Variants in LARGE1 observed in about 807,000 individuals in gnomAD.
The protein encoded by LARGE1 is xylosyl- and glucuronyltransferase LARGE1.
A neutral mutation model predicts 87.6 loss-of-function variants in LARGE1; 43 were observed. That is an observed-to-expected ratio of 0.49 (90% CI 0.38 to 0.63). The LOEUF (loss-of-function observed/expected upper bound fraction) is 0.63. LARGE1 is among the 30% of genes least tolerant of loss of function. The pLI is 0.00. For missense variants in LARGE1, 802 were observed against 1,000.2 expected (o/e 0.80, Z 2.67); for synonymous variants, 434 against 394.6 (o/e 1.10, Z -1.18).
At chr22:33,872,358 TC>T (rs201744381) in intron 1 of LARGE1, among the ~76,000 whole-genome samples, 6 of 113,214 alleles carry the variant, frequency 5.3e-5, no homozygotes, top group African/African-American at 2.3e-4. Context: ...GTAAATGCTA[TC>T]TATTATTATT....
intron 1 of LARGE1, among the ~76,000 whole-genome samples, chr22:33,782,902 G>A (rs372013972): frequency 4.7e-5 from 3 of 63,470 alleles, no homozygotes; most frequent in Non-Finnish European, 3.2e-5. Context: ...AAAAAAAAGA[G>A]AGAGAGAGAG....
chr22:33,722,645 CACGTTATAGT>C (rs1330096964), intron 2 of LARGE1, among the ~76,000 whole-genome samples: 1 of 152,006 alleles, frequency 6.6e-6, no homozygotes, highest in African/African-American at 2.4e-5. Context: ...CAGCAGAAGG[CACGTTATAGT>C]AAGTCACCCA....
downstream of LARGE1, among the ~76,000 whole-genome samples, chr22:33,161,206 A>G (rs1255063605): frequency 6.6e-6 from 1 of 152,148 alleles, no homozygotes; most frequent in Non-Finnish European, 1.5e-5. Context: ...GCATGGGGGT[A>G]ACTGCCTCCA....
At position 33,274,281 on chromosome 22, in the gene LARGE1, A is replaced by G. The variant is rs1928710242; in HGVS notation, c.*146T>C. On this transcript the variant is annotated 3_prime_UTR_variant, in exon 15 of 15. Transcript: ENST00000397394. The stretch of plus-strand genomic sequence containing the variant: ...CTGGATCCTTGTCCAAGGTCTCTGT[A>G]GTGAGGGCAGCTTGGCTGGGCCAAA... 2.5e-6 allele frequency: 2 copies of G among 805,532 alleles called. No homozygotes were observed. The highest frequency in any genetic ancestry group is 2.0e-5 in the Admixed American group (1 of 50,610). 49.9% of individuals were successfully genotyped at this position (805,532 alleles called of 1,614,324 possible).
At chr22:33,075,609 C>T in the LARGE1 span, among the ~76,000 whole-genome samples, 1 of 152,106 alleles carries the variant, frequency 6.6e-6, no homozygotes, top group Admixed American at 6.5e-5. Flanking sequence ...GTGGTAGAAC[C>T]TGAATAATTG....
In LARGE1 at chr22:33,920,181, G is replaced by C. The variant is rs1056664102; in HGVS notation, c.-269C>G. ...TCCAAATGCCGCGGCGAGGGTCCGG[G>C]TCCCCCAAGCTGAGCACTGTCCCTT... is the stretch of plus-strand genomic sequence containing the variant. On this transcript the variant is annotated 5_prime_UTR_variant, in exon 1 of 15. Coordinates refer to ENST00000397394, the MANE Select transcript of LARGE1 (RefSeq NM_133642.5). 1 of 152,444 alleles carries C rather than the reference G, an allele frequency of 6.6e-6. No homozygotes were observed. Among genetic ancestry groups the C allele is most frequent in the Non-Finnish European group, 1.5e-5 (1 of 68,400 alleles). 9.4% of individuals were successfully genotyped at this position (152,444 alleles called of 1,614,324 possible).
At chr22:33,317,894 G>A (rs891907738) in intron 10 of LARGE1, among the ~76,000 whole-genome samples, 1 of 152,152 alleles carries the variant, frequency 6.6e-6, no homozygotes, top group African/African-American at 2.4e-5. Flanking sequence ...GGAGCGATGG[G>A]TACATGGATG....
chr22:33,293,014 T>G (rs563864804), intron 12 of LARGE1, among the ~76,000 whole-genome samples: 169 of 152,322 alleles, frequency 1.1e-3, no homozygotes, highest in African/African-American at 3.6e-3. Flanking sequence ...ACATATAACT[T>G]TGTCCATGCA....
chr22:33,892,091 C>T (rs1308210765), intron 1 of LARGE1, among the ~76,000 whole-genome samples: 1 of 152,200 alleles, frequency 6.6e-6, no homozygotes, highest in Non-Finnish European at 1.5e-5. Flanking sequence ...AACTACAAAG[C>T]TTCTTTCAAA....
chr22:33,762,089 C>T (rs1472700949), intron 1 of LARGE1, among the ~76,000 whole-genome samples: 2 of 151,814 alleles, frequency 1.3e-5, no homozygotes, highest in African/African-American at 4.8e-5. Flanking sequence ...GGTGGCACGC[C>T]TGCAATCCCA....
chr22:33,744,748 A>C (rs900141210), intron 2 of LARGE1, among the ~76,000 whole-genome samples: 8 of 152,322 alleles, frequency 5.3e-5, no homozygotes, highest in Admixed American at 1.3e-4. Context: ...AGGAGGAACT[A>C]CCTACAGCCA....
At chr22:33,720,023 T>C (rs984317968) in intron 2 of LARGE1, among the ~76,000 whole-genome samples, 3 of 151,902 alleles carry the variant, frequency 2.0e-5, no homozygotes, top group South Asian at 2.1e-4. Flanking sequence ...CAGACAAAGG[T>C]TGGGGGAAGG....
intron 2 of LARGE1, among the ~76,000 whole-genome samples, chr22:33,681,867 C>T (rs551438797): frequency 3.2e-4 from 48 of 152,308 alleles, no homozygotes; most frequent in African/African-American, 1.1e-3. Context: ...ATGTCACAGC[C>T]CACTTTTACA....
intron 4 of LARGE1, among the ~76,000 whole-genome samples, chr22:33,624,332 T>A (rs913564837): frequency 1.1e-4 from 16 of 152,262 alleles, no homozygotes; most frequent in South Asian, 2.1e-4. Flanking sequence ...AGACCTGTCA[T>A]TAATAGATAT....
chr22:33,232,456 G>C (rs1241962332), intron 11 of LARGE1, among the ~76,000 whole-genome samples: 2 of 152,216 alleles, frequency 1.3e-5, no homozygotes, highest in African/African-American at 4.8e-5. Context: ...GATGAGTTCT[G>C]TCATGCTCAT....
At chr22:33,653,651 C>T (rs2080882959) in intron 2 of LARGE1, among the ~76,000 whole-genome samples, 1 of 152,060 alleles carries the variant, frequency 6.6e-6, no homozygotes. Context: ...GCATGGTGTC[C>T]CTTATTGGGA....
chr22:33,497,532 AAG>A (rs1569214220), intron 6 of LARGE1, among the ~76,000 whole-genome samples: 1 of 152,224 alleles, frequency 6.6e-6, no homozygotes, highest in African/African-American at 2.4e-5. Context: ...AGTGTCTAAA[AAG>A]AGTCTTGTGC....
intron 11 of LARGE1, among the ~76,000 whole-genome samples, chr22:33,230,004 CTTTTTTTT>C (rs557120175): frequency 2.1e-4 from 17 of 81,136 alleles, no homozygotes; most frequent in African/African-American, 6.4e-4. Flanking sequence ...TTTCAAAGTT[CTTTTTTTT>C]TTTTTTTTTT....
chr22:33,209,727 C>T (rs567390522), intron 11 of LARGE1, among the ~76,000 whole-genome samples: 1 of 152,294 alleles, frequency 6.6e-6, no homozygotes, highest in East Asian at 1.9e-4. Flanking sequence ...CTCACTGCAG[C>T]CTCGACCTCC....
Sources: gnomAD v4.1 joint callset for allele counts (sites outside exome capture counted in the v4.1 genomes callset) on GRCh38, gnomAD v4.1.1 for gene constraint, MANE v1.5 for transcripts, NCBI Gene and HGNC (gene_info 2026-07-23, HGNC 2026-07-21) for gene names.